ZNF705A: variants seen among roughly 807,000 people sequenced by gnomAD.
The protein encoded by ZNF705A is zinc finger protein 705A.
ZNF705A carries 8 observed loss-of-function variants against 16.6 expected under a neutral mutation model. The ratio of observed to expected loss-of-function variants is 0.48; its 90% CI spans 0.28 to 0.87. The LOEUF (loss-of-function observed/expected upper bound fraction) is 0.87, where lower values mean the gene tolerates loss of function less well. ZNF705A is among the 40% of genes least tolerant of loss of function. ZNF705A has a pLI of 0.10. For missense variants in ZNF705A, 233 were observed against 359.9 expected, an observed-to-expected ratio of 0.65 and a Z score of 2.85; for synonymous variants, 73 against 117.3, an observed-to-expected ratio of 0.62 and a Z score of 2.44.
At chr12:8,163,538 T>C (rs1321207665) in intron 1 of ZNF705A, among the ~76,000 whole-genome samples, 2 of 152,200 alleles carry the variant, frequency 1.3e-5, no homozygotes, top group Non-Finnish European at 2.9e-5. Context: ...TCCTACATTG[T>C]TGAACACCCA....
intron 4 of ZNF705A, 83 bp downstream of exon 5, chr12:8,176,025 G>A (rs1400047233): frequency 5.7e-6 from 9 of 1,584,788 alleles, no homozygotes; most frequent in South Asian, 2.3e-5. Context: ...ACAATCACCT[G>A]AGTGTAATTA....
chr12:8,175,973 C>A, intron 4 of ZNF705A, 31 bp downstream of exon 5: 1 of 1,609,544 alleles, frequency 6.2e-7, no homozygotes, highest in South Asian at 1.1e-5. Flanking sequence ...CACCAGTCAT[C>A]TAAGTTAAAG....
At chr12:8,166,334 T>C (rs1948398897) in intron 1 of ZNF705A, among the ~76,000 whole-genome samples, 1 of 152,226 alleles carries the variant, frequency 6.6e-6, no homozygotes, top group African/African-American at 2.4e-5. Context: ...GGTTCGGCTC[T>C]GTGTCCCCGC....
intron 4 of ZNF705A, 71 bp downstream of exon 5, chr12:8,176,013 G>A: frequency 6.3e-7 from 1 of 1,597,054 alleles, no homozygotes; most frequent in Non-Finnish European, 8.5e-7. Flanking sequence ...TAGTAATGAA[G>A]CACAATCACC....
At chr12:8,160,708 A>T (rs937267161) in intron 1 of ZNF705A, among the ~76,000 whole-genome samples, 8 of 152,024 alleles carry the variant, frequency 5.3e-5, no homozygotes, top group Non-Finnish European at 7.4e-5. Context: ...TTCTTCTATC[A>T]GTTCTAGGAG....
At chr12:8,168,545 T>C (rs1005676288), upstream of ZNF705A, among the ~76,000 whole-genome samples, 3 of 152,348 alleles carry the variant, frequency 2.0e-5, no homozygotes, top group Admixed American at 2.0e-4. Context: ...AGATTCTAGA[T>C]CTGCATTGGC....
chr12:8,159,881 G>C (rs1948339687), intron 1 of ZNF705A, among the ~76,000 whole-genome samples: 1 of 152,028 alleles, frequency 6.6e-6, no homozygotes, highest in South Asian at 2.1e-4. Context: ...TGGGTTCTTG[G>C]TCATGAAATC....
At chr12:8,160,356 G>A (rs1230454314) in intron 1 of ZNF705A, among the ~76,000 whole-genome samples, 2 of 152,030 alleles carry the variant, frequency 1.3e-5, no homozygotes, top group East Asian at 3.9e-4. Flanking sequence ...CTAATTCTGT[G>A]GAGAATGATG....
chr12:8,163,023 G>A (rs1419770380), intron 1 of ZNF705A, among the ~76,000 whole-genome samples: 5 of 152,154 alleles, frequency 3.3e-5, no homozygotes, highest in Non-Finnish European at 7.3e-5. Context: ...TGAATCATGT[G>A]GCTATCTATT....
chr12:8,166,530 G>A (rs1470152648), intron 1 of ZNF705A, among the ~76,000 whole-genome samples: 1 of 152,230 alleles, frequency 6.6e-6, no homozygotes, highest in African/African-American at 2.4e-5. Flanking sequence ...TCACTTGCCT[G>A]CTGTGATGTA....
exon 5 of ZNF705A, chr12:8,179,745 C>G (rs1948517104): frequency 6.6e-6 from 1 of 152,132 alleles, no homozygotes; most frequent in South Asian, 2.1e-4. Flanking sequence ...CCAGGCAGAG[C>G]TCATATCATT....
chr12:8,165,517 A>G (rs1462591278), intron 1 of ZNF705A, among the ~76,000 whole-genome samples: 1 of 124,122 alleles, frequency 8.1e-6, no homozygotes, highest in East Asian at 2.3e-4. Flanking sequence ...ATCTTTGCCC[A>G]TTTAAAAAAA....
intron 2 of ZNF705A, 147 bp from the exon 4 acceptor site, chr12:8,175,081 T>C (rs865890402): frequency 2.0e-6 from 2 of 993,922 alleles, no homozygotes; most frequent in Middle Eastern, 3.1e-4. Context: ...GTCAGAAAAG[T>C]CCTGGGGAGT....
intron 1 of ZNF705A, 87 bp downstream of exon 2, chr12:8,172,724 T>C: frequency 6.4e-7 from 1 of 1,553,330 alleles, no homozygotes; most frequent in South Asian, 1.1e-5. Context: ...GGGTGTTTCA[T>C]TTTTATTCTT....
chr12:8,164,538 A>G (rs1412945516), intron 1 of ZNF705A, among the ~76,000 whole-genome samples: 1 of 152,040 alleles, frequency 6.6e-6, no homozygotes, highest in Non-Finnish European at 1.5e-5. Flanking sequence ...CCTAATATCC[A>G]TGTGTTCTCA....
chr12:8,167,027 A>T (rs2120710094), intron 1 of ZNF705A, among the ~76,000 whole-genome samples: 1 of 152,300 alleles, frequency 6.6e-6, no homozygotes, highest in Non-Finnish European at 1.5e-5. Context: ...GTGCTACATG[A>T]CCCCTATAAC....
intron 1 of ZNF705A, among the ~76,000 whole-genome samples, chr12:8,158,224 C>T (rs1266247042): frequency 6.6e-6 from 1 of 151,964 alleles, no homozygotes; most frequent in Non-Finnish European, 1.5e-5. Context: ...ATTTTTCTTT[C>T]TTCTTTAAAA....
intron 1 of ZNF705A, among the ~76,000 whole-genome samples, chr12:8,167,149 A>G (rs1948405830): frequency 6.6e-6 from 1 of 152,172 alleles, no homozygotes; most frequent in Admixed American, 6.5e-5. Flanking sequence ...TTTACCTCCA[A>G]AGAATTTTAG....
chr12:8,173,680 G>T (rs1186429420), intron 1 of ZNF705A, among the ~76,000 whole-genome samples: 1 of 152,190 alleles, frequency 6.6e-6, no homozygotes, highest in African/African-American at 2.4e-5. Context: ...CTATATGTAT[G>T]AATTGAATCC....
Sources: allele counts gnomAD v4.1 joint callset (sites outside exome capture counted in the v4.1 genomes callset), GRCh38; gene constraint gnomAD v4.1.1; transcripts MANE v1.5; gene names NCBI Gene and HGNC (gene_info 2026-07-23, HGNC 2026-07-21).